Variants in ZFP64 observed in about 807,000 individuals in gnomAD.
ZFP64 encodes the protein zinc finger protein 64.
ZFP64 carries 14 observed loss-of-function variants against 51.6 expected under a neutral mutation model. The ratio of observed to expected loss-of-function variants is 0.27; its 90% CI spans 0.18 to 0.42. The LOEUF (loss-of-function observed/expected upper bound fraction) is 0.42, where lower values mean the gene tolerates loss of function less well. ZFP64 is among the 10% of genes least tolerant of loss of function. The pLI is 1.00. For synonymous variants in ZFP64, 375 were observed against 361.4 expected, an observed-to-expected ratio of 1.04 and a Z score of -0.43; for missense variants, 754 against 906.8, an observed-to-expected ratio of 0.83 and a Z score of 2.16.
At chr20:52,130,122 A>G (rs1047384002) in intron 5 of ZFP64, among the ~76,000 whole-genome samples, 20 of 152,096 alleles carry the variant, frequency 1.3e-4, no homozygotes, top group Non-Finnish European at 2.8e-4. Flanking sequence ...TCTGACCCGC[A>G]GGCTCCTCTC....
At chr20:52,186,363 G>A (rs1291046009) in intron 2 of ZFP64, among the ~76,000 whole-genome samples, 3 of 151,844 alleles carry the variant, frequency 2.0e-5, no homozygotes, top group Admixed American at 6.6e-5. Flanking sequence ...AGAGAACAGG[G>A]ATGTTTTCCT....
In ZFP64 at chr20:52,164,750, T is replaced by C. The variant is rs1331806474; in HGVS notation, c.456A>G (p.Gln152=). ...KRLNCCYPGC[Q]FKTAYGMKDM... ...CCTTCATGCCATAAGCAGTCTTGAA[T>C]TGGCAACCTAAAAAAAAAAAGGAAA... Residue 152 remains glutamine (Q), a synonymous_variant, in exon 4 of 6, where the codon CAA becomes CAG. Transcript: ENST00000216923. 1.2e-6 allele frequency: 2 copies of C among 1,604,594 alleles called. No individual in the cohort carries two copies. The highest frequency in any genetic ancestry group is 8.5e-7 in the Non-Finnish European group (1 of 1,177,064).
chr20:52,127,752 TC>T (rs1232440013), intron 5 of ZFP64, among the ~76,000 whole-genome samples: 2 of 152,232 alleles, frequency 1.3e-5, no homozygotes, highest in East Asian at 1.9e-4. Context: ...ATCCTTTTTT[TC>T]ACCATACTTG....
At chr20:52,181,305 G>A (rs911087960) in intron 2 of ZFP64, among the ~76,000 whole-genome samples, 19 of 152,076 alleles carry the variant, frequency 1.2e-4, no homozygotes, top group African/African-American at 4.3e-4. Flanking sequence ...ATGGTCATGG[G>A]GTTCCTGAGG....
At chr20:52,179,315 G>T (rs1983452893) in intron 2 of ZFP64, among the ~76,000 whole-genome samples, 1 of 152,200 alleles carries the variant, frequency 6.6e-6, no homozygotes, top group African/African-American at 2.4e-5. Context: ...TCTCTGGTAT[G>T]TCTTCATCAG....
chr20:52,164,860 C>A (rs775537855), intron 3 of ZFP64, 103 bp from the exon 4 acceptor site: 1 of 899,824 alleles, frequency 1.1e-6, no homozygotes, highest in African/African-American at 1.6e-5. Context: ...AGAGTTAACA[C>A]CACGGTAATG....
Position 52,162,143 on chromosome 20 carries a change from C to A in ZFP64, c.512-1769G>T, listed in dbSNP as rs188458107. ...TGAAACCCTGTCTGAACTAAAAATA[C>A]AAAAATTAGCTGGGCATCGTGGTGG... is the stretch of plus-strand genomic sequence containing the variant. On this transcript the variant is annotated intron_variant, in intron 4 of 5. Transcript: ENST00000216923. Among the ~76,000 whole-genome samples, 342 of 151,476 alleles carry A rather than the reference C, an allele frequency of 2.3e-3. 2 individuals are homozygous for A. The highest frequency in any genetic ancestry group is 0.017 in the Middle Eastern group (5 of 294).
At chr20:52,134,042 A>C (rs1345924491) in intron 5 of ZFP64, among the ~76,000 whole-genome samples, 1 of 151,460 alleles carries the variant, frequency 6.6e-6, no homozygotes, top group Non-Finnish European at 1.5e-5. Flanking sequence ...AAAAAAAAAA[A>C]AAAAAAAAAA....
chr20:52,184,351 T>C (rs1983813576), intron 2 of ZFP64, among the ~76,000 whole-genome samples: 2 of 152,178 alleles, frequency 1.3e-5, no homozygotes, highest in South Asian at 4.1e-4. Context: ...AGCTGCACTT[T>C]TGGATGAGGC....
At chr20:52,155,880 A>G (rs887973730) in intron 5 of ZFP64, among the ~76,000 whole-genome samples, 1 of 152,198 alleles carries the variant, frequency 6.6e-6, no homozygotes, top group Non-Finnish European at 1.5e-5. Context: ...GTGTTGATGT[A>G]GTCTATCCAA....
downstream of ZFP64, among the ~76,000 whole-genome samples, chr20:52,148,037 C>A (rs1980609733): frequency 1.3e-5 from 2 of 152,066 alleles, no homozygotes; most frequent in Admixed American, 6.6e-5. Context: ...AATACTGATG[C>A]AATTTCAATA....
chr20:52,121,970 C>A (rs1258199262), intron 5 of ZFP64, among the ~76,000 whole-genome samples: 3 of 152,174 alleles, frequency 2.0e-5, no homozygotes, highest in African/African-American at 7.2e-5. Context: ...AGAAATGGAA[C>A]CATGAAGGCT....
intron 5 of ZFP64, among the ~76,000 whole-genome samples, chr20:52,100,411 A>G (rs1284211865): frequency 1.3e-5 from 2 of 151,782 alleles, no homozygotes; most frequent in African/African-American, 4.8e-5. Context: ...ACGCCTGCCT[A>G]ATTTTTGTAT....
chr20:52,098,112 G>A (rs1343602744), intron 6 of ZFP64, among the ~76,000 whole-genome samples: 1 of 148,260 alleles, frequency 6.7e-6, no homozygotes, highest in Non-Finnish European at 1.5e-5. Context: ...GGCGGAGGTT[G>A]CAGTGAGCCG....
At chr20:52,162,430 T>A (rs796573809) in intron 4 of ZFP64, among the ~76,000 whole-genome samples, 10 of 152,008 alleles carry the variant, frequency 6.6e-5, no homozygotes, top group African/African-American at 2.4e-4. Flanking sequence ...ATCAAGACCA[T>A]CGTGGCTAAC....
At chr20:52,149,095 A>C (rs1357133802), downstream of ZFP64, among the ~76,000 whole-genome samples, 1 of 152,176 alleles carries the variant, frequency 6.6e-6, no homozygotes, top group African/African-American at 2.4e-5. Flanking sequence ...AGACCACAGC[A>C]CCAGCTAGGG....
At position 52,190,060 on chromosome 20, in the gene ZFP64, T is replaced by A. The variant is rs1009217948; in HGVS notation, c.46+1531A>T. Among the ~76,000 whole-genome samples, 19 of 152,212 alleles carry A rather than the reference T, an allele frequency of 1.2e-4. 1 individual carries two copies. Among genetic ancestry groups the A allele is most frequent in the Non-Finnish European group, 1.0e-4 (7 of 68,032 alleles). ...AGGTCTAGCTAAGACAAGAAATCTC[T>A]GTTCAGAAATACAGTTTGGTTGACT... On this transcript the variant is annotated intron_variant, in intron 1 of 5. Transcript: ENST00000216923.
intron 5 of ZFP64, among the ~76,000 whole-genome samples, chr20:52,123,399 G>A (rs980062721): frequency 9.2e-5 from 14 of 152,178 alleles, no homozygotes; most frequent in Non-Finnish European, 2.1e-4. Context: ...GACAGGAAGT[G>A]TTAATTGATG....
intron 5 of ZFP64, among the ~76,000 whole-genome samples, chr20:52,134,787 T>A (rs539487473): frequency 6.6e-6 from 1 of 152,288 alleles, no homozygotes; most frequent in South Asian, 2.1e-4. Context: ...AAATACAAAT[T>A]CAATCTAATT....
Sources: gnomAD v4.1 joint callset for allele counts (sites outside exome capture counted in the v4.1 genomes callset) on GRCh38, gnomAD v4.1.1 for gene constraint, MANE v1.5 for transcripts, NCBI Gene and HGNC (gene_info 2026-07-23, HGNC 2026-07-21) for gene names.